The following SIL1 variants were observed in gnomAD, a reference collection of about 807,000 sequenced individuals.
SIL1 encodes nucleotide exchange factor SIL1.
A neutral mutation model predicts 49.1 loss-of-function variants in SIL1; 40 were observed. The ratio of observed to expected loss-of-function variants is 0.81; its 90% confidence interval spans 0.63 to 1.06. The LOEUF (loss-of-function observed/expected upper bound fraction) is 1.06, where lower values mean the gene tolerates loss of function less well. SIL1 is among the 50% of genes least tolerant of loss of function. The pLI is 0.00. For missense variants in SIL1, 500 were observed against 572.6 expected, an observed-to-expected ratio of 0.87 and a Z score of 1.29; for synonymous variants, 253 against 250.8, an observed-to-expected ratio of 1.01 and a Z score of -0.08.
At chr5:139,119,679 T>C (rs1466599980) in intron 3 of SIL1, among the ~76,000 whole-genome samples, 4 of 152,144 alleles carry the variant, frequency 2.6e-5, no homozygotes, top group Non-Finnish European at 5.9e-5. Flanking sequence ...GAGGATTACT[T>C]GAGCCCAGGA....
chr5:139,078,106 G>T (rs1189772250), intron 3 of SIL1, among the ~76,000 whole-genome samples: 1 of 152,060 alleles, frequency 6.6e-6, no homozygotes, highest in Non-Finnish European at 1.5e-5. Context: ...AACAATATTT[G>T]GTTACTGCAC....
intron 3 of SIL1, among the ~76,000 whole-genome samples, chr5:139,071,268 G>T (rs1345079398): frequency 6.6e-6 from 1 of 152,034 alleles, no homozygotes; most frequent in Non-Finnish European, 1.5e-5. Context: ...AGACTTAAAG[G>T]ATATAACAAC....
chr5:138,992,964 TG>T (rs1234770429), intron 7 of SIL1, among the ~76,000 whole-genome samples: 1 of 152,340 alleles, frequency 6.6e-6, no homozygotes, highest in South Asian at 2.1e-4. Flanking sequence ...CTTTTTCTTT[TG>T]TAACTGAAAG....
chr5:139,023,106 T>C (rs1768565405), intron 6 of SIL1, among the ~76,000 whole-genome samples: 1 of 152,248 alleles, frequency 6.6e-6, no homozygotes, highest in African/African-American at 2.4e-5. Flanking sequence ...TAATTCAGCA[T>C]GATAGAAATG....
intron 3 of SIL1, among the ~76,000 whole-genome samples, chr5:139,060,021 T>C (rs1266354579): frequency 6.6e-6 from 1 of 152,244 alleles, no homozygotes; most frequent in Admixed American, 6.5e-5. Flanking sequence ...TTACAGTACC[T>C]GGTCAAAATA....
rs752309988 is a variant in SIL1, at chr5:138,951,812, C to CT, written c.839dup (p.Gln281AlafsTer71). The CT allele has an allele frequency of 6.2e-7, 1 of 1,614,100 alleles. No homozygotes were observed. Among genetic ancestry groups the CT allele is most frequent in the South Asian group, 1.1e-5 (1 of 91,090 alleles). ...CCTTCTTCTTTGCAGTGAGCGGCTG[C>CT]TCCGTGGCCAGGATGACCAGCAGCT... On this transcript the variant is annotated frameshift_variant, in exon 8 of 10. Coordinates refer to ENST00000394817, the MANE Select transcript of SIL1 (RefSeq NM_022464.5). LOFTEE classifies it high-confidence loss of function.
chr5:139,004,009 G>A (rs1374073775), intron 7 of SIL1, among the ~76,000 whole-genome samples: 1 of 152,170 alleles, frequency 6.6e-6, no homozygotes, highest in African/African-American at 2.4e-5. Context: ...GAACCACAGT[G>A]GAAACAGCTG....
intron 1 of SIL1, among the ~76,000 whole-genome samples, chr5:139,197,490 A>G (rs974231261): frequency 6.6e-6 from 1 of 152,136 alleles, no homozygotes; most frequent in African/African-American, 2.4e-5. Flanking sequence ...GATCTTACAT[A>G]TATAGGTAGT....
intron 7 of SIL1, among the ~76,000 whole-genome samples, chr5:138,973,899 A>G (rs967540120): frequency 1.3e-5 from 2 of 152,154 alleles, no homozygotes; most frequent in African/African-American, 4.8e-5. Flanking sequence ...TTTTTATATC[A>G]CATATTTAAA....
intron 3 of SIL1, among the ~76,000 whole-genome samples, chr5:139,108,515 T>A (rs1391721461): frequency 6.6e-6 from 1 of 152,132 alleles, no homozygotes; most frequent in Non-Finnish European, 1.5e-5. Context: ...GCACATGGTG[T>A]GTGTGTCAAG....
At chr5:139,052,469 G>A (rs1160081550) in intron 3 of SIL1, among the ~76,000 whole-genome samples, 1 of 152,204 alleles carries the variant, frequency 6.6e-6, no homozygotes, top group Non-Finnish European at 1.5e-5. Context: ...TGGATCACCT[G>A]AGGTCAGGAG....
chr5:139,097,130 C>A (rs1345296232), intron 3 of SIL1, among the ~76,000 whole-genome samples: 1 of 152,110 alleles, frequency 6.6e-6, no homozygotes, highest in Non-Finnish European at 1.5e-5. Context: ...AAGACTGTGT[C>A]TTGTGGTTTA....
At chr5:139,154,357 A>G (rs567041296) in intron 1 of SIL1, among the ~76,000 whole-genome samples, 1 of 152,324 alleles carries the variant, frequency 6.6e-6, no homozygotes, top group South Asian at 2.1e-4. Context: ...ATTTCCAGGG[A>G]CATTACAGTG....
In SIL1 at chr5:139,046,775, C is replaced by T. The variant is rs78990333; in HGVS notation, c.354-4056G>A. ...AGCTCCAGGGATCTCAGTGAGGATA[C>T]CAATCCAGTCTTTGACAGGTTCCTG... On this transcript the variant is annotated intron_variant, in intron 4 of 9. Transcript: ENST00000394817. Among the ~76,000 whole-genome samples the T allele has an allele frequency of 3.7e-3, 566 of 152,284 alleles. 2 individuals are homozygous for T. Among genetic ancestry groups the T allele is most frequent in the Non-Finnish European group, 6.2e-3 (424 of 68,008 alleles).
At chr5:139,085,755 G>A (rs1407276156) in intron 3 of SIL1, among the ~76,000 whole-genome samples, 3 of 152,142 alleles carry the variant, frequency 2.0e-5, no homozygotes, top group Non-Finnish European at 4.4e-5. Context: ...AACATGGGAT[G>A]GGGCACAGCA....
At chr5:139,178,982 A>G (rs560307194) in intron 1 of SIL1, among the ~76,000 whole-genome samples, 18 of 152,232 alleles carry the variant, frequency 1.2e-4, no homozygotes, top group Non-Finnish European at 2.4e-4. Context: ...CTTAAGCCAA[A>G]CAATTCTCTC....
chr5:139,085,056 A>C (rs1037463543), intron 3 of SIL1, among the ~76,000 whole-genome samples: 4 of 152,178 alleles, frequency 2.6e-5, no homozygotes, highest in Non-Finnish European at 4.4e-5. Context: ...ACAGTGCCAC[A>C]GTATTCCATT....
At chr5:139,041,818 C>CAAAAAAAAA (rs536666463) in intron 5 of SIL1, among the ~76,000 whole-genome samples, 7 of 86,304 alleles carry the variant, frequency 8.1e-5, no homozygotes, top group Non-Finnish European at 8.1e-5. Flanking sequence ...AACTCAAAAA[C>CAAAAAAAAA]AAAAAAAAAA....
chr5:139,106,026 G>T (rs1770702416), intron 3 of SIL1, among the ~76,000 whole-genome samples: 1 of 150,938 alleles, frequency 6.6e-6, no homozygotes, highest in African/African-American at 2.4e-5. Context: ...GTGTAGGGGA[G>T]GGGGACGCAG....
Sources: gnomAD v4.1 joint callset for allele counts (sites outside exome capture counted in the v4.1 genomes callset) on GRCh38, gnomAD v4.1.1 for gene constraint, MANE v1.5 for transcripts, NCBI Gene and HGNC (gene_info 2026-07-23, HGNC 2026-07-21) for gene names.